Variants in GPR155 observed in about 807,000 individuals in gnomAD.
GPR155 encodes G protein-coupled receptor 155.
GPR155 carries 65 observed loss-of-function variants against 93.1 expected under a neutral mutation model. The observed-to-expected ratio is 0.70, with a 90% confidence interval of 0.57 to 0.86. The LOEUF (loss-of-function observed/expected upper bound fraction) is 0.86, where lower values mean the gene tolerates loss of function less well. Ranked by LOEUF, GPR155 falls within the 40% of genes least tolerant of loss-of-function variation. The pLI is 0.00. For missense variants in GPR155, 838 were observed against 1,034.8 expected, an observed-to-expected ratio of 0.81 and a Z score of 2.61; for synonymous variants, 319 against 360.1, an observed-to-expected ratio of 0.89 and a Z score of 1.29.
chr2:174,441,360 G>C (rs925950813), intron 14 of GPR155, among the ~76,000 whole-genome samples: 6 of 151,016 alleles, frequency 4.0e-5, no homozygotes, highest in Admixed American at 1.3e-4. Flanking sequence ...ACAAAGCCTA[G>C]GATAGGGGCA....
intron 15 of GPR155, among the ~76,000 whole-genome samples, chr2:174,439,127 AT>A (rs1232840865): frequency 6.6e-6 from 1 of 152,236 alleles, no homozygotes; most frequent in African/African-American, 2.4e-5. Flanking sequence ...CCTTCTGATT[AT>A]AATGATATAT....
Position 174,439,993 on chromosome 2 carries a change from C to T in GPR155, c.2217G>A (p.Arg739=), listed in dbSNP as rs1686907490. The change falls in exon 15 of 16, where the codon AGG becomes AGA. Residue 739 remains arginine (R), a synonymous_variant. Coordinates refer to ENST00000392552, the MANE Select transcript of GPR155 (RefSeq NM_152529.7). Reference sequence around the variant, plus strand: ...TTATTTCCTCTGAAACAGGAGAATCCCTGTTTTCTGCTGTGTCTTTATTGT... The same window carrying T: ...TTATTTCCTCTGAAACAGGAGAATCTCTGTTTTCTGCTGTGTCTTTATTGT... ...LWNNKDTAEN[R]DSPVSEEIKM... is the part of the protein sequence containing the mutation. 6.2e-7 allele frequency: 1 copy of T among 1,611,322 alleles called. No homozygotes were observed. Among genetic ancestry groups the T allele is most frequent in the Non-Finnish European group, 8.5e-7 (1 of 1,178,146 alleles).
chr2:174,473,933 G>A lies in GPR155; in HGVS notation c.461-569C>T, dbSNP rs141602023. On this transcript the variant is annotated intron_variant, in intron 2 of 15. Coordinates refer to ENST00000392552, the MANE Select transcript of GPR155 (RefSeq NM_152529.7). Reference sequence around the variant, plus strand: ...ATTAGGGACAGTTGGAAGTGCGGGAGTTCAGAGTAAAACAGCTAATGAGCT... The same window carrying A: ...ATTAGGGACAGTTGGAAGTGCGGGAATTCAGAGTAAAACAGCTAATGAGCT... 1.9e-3 allele frequency among the ~76,000 whole-genome samples: 283 copies of A among 152,302 alleles called. No individual in the cohort carries two copies. The Middle Eastern group carries it at 0.027, about 15-fold the overall frequency.
At chr2:174,450,345 A>G (rs6706402) in intron 11 of GPR155, among the ~76,000 whole-genome samples, 92,345 of 151,824 alleles carry the variant, frequency 0.61, 30,840 homozygotes, top group Middle Eastern at 0.8. Flanking sequence ...GGGAGAGGGC[A>G]AGGGCTAAAA....
chr2:174,468,223 A>G (rs1687895581), intron 5 of GPR155, among the ~76,000 whole-genome samples: 1 of 152,218 alleles, frequency 6.6e-6, no homozygotes. Context: ...TTTCTTTAAA[A>G]TTAATCACAC....
rs754162248 is a variant in GPR155 at position 174,466,636 on chromosome 2, C to T, written c.1183-9G>A. On this transcript the variant is annotated splice_polypyrimidine_tract_variant and intron_variant, in intron 5 of 15. Coordinates refer to ENST00000392552, the MANE Select transcript of GPR155 (RefSeq NM_152529.7). ...ATAGCCAGAGACCAGATCTTGAAGACAAAAGGTTCAAAAGTTATTCATGTT... is the reference window on the plus strand; with the variant it reads ...ATAGCCAGAGACCAGATCTTGAAGATAAAAGGTTCAAAAGTTATTCATGTT... The T allele has an allele frequency of 1.5e-6, 2 of 1,367,526 alleles. No individual in the cohort carries two copies. The highest frequency in any genetic ancestry group is 1.2e-5 in the South Asian group (1 of 81,674). The allele number at this position is 1,367,526 out of a possible 1,614,324, so 84.7% of individuals were successfully genotyped here.
At chr2:174,483,035 A>G (rs1441745182) in intron 1 of GPR155, 1 of 152,176 alleles carries the variant, frequency 6.6e-6, no homozygotes, top group Non-Finnish European at 1.5e-5. Context: ...CACCCGCCAC[A>G]CACACTGGCC....
In GPR155 at chr2:174,473,159, C is replaced by T; in HGVS notation, c.666G>A (p.Met222Ile). The change falls in exon 3 of 16, where the codon ATG becomes ATA. Residue 222 changes from methionine (M) to isoleucine (I), a missense_variant. Met to Ile is a conservative substitution (Grantham distance 10, BLOSUM62 1). Around this residue, in one of 3 missense-constraint regions of GPR155, gnomAD observed 663 missense variants for 790.1 expected, o/e 0.84. Coordinates refer to ENST00000392552, the MANE Select transcript of GPR155 (RefSeq NM_152529.7). ...LRVLQNPIVF[M>I]VFIGIAFNFI... ...AATTGAAGGCGATGCCAATGAAGAC[C>T]ATAAATACTATTGGGTTCTGTAATA... 1 of 1,612,832 alleles carries T rather than the reference C, an allele frequency of 6.2e-7. No homozygotes were observed. Among genetic ancestry groups the T allele is most frequent in the Non-Finnish European group, 8.5e-7 (1 of 1,179,460 alleles).
rs1332070309 is a variant in GPR155 at position 174,445,085 on chromosome 2, C to A, written c.2105G>T (p.Gly702Val). The A allele has an allele frequency of 1.3e-6, 2 of 1,561,130 alleles. No individual in the cohort carries two copies. Among genetic ancestry groups the A allele is most frequent in the Non-Finnish European group, 1.8e-6 (2 of 1,132,296 alleles). Residue 702 changes from glycine to valine, a missense_variant, in exon 13 of 16, where the codon GGT (glycine) becomes GTT (valine). Gly to Val is a moderately radical substitution (Grantham distance 109). Transcript: ENST00000392552. ...LQFFCAVFNF[G>V]QGFISFGIFG... ...AAGTTCTCCATAAATAAATACCTGA[C>A]CAAAGTTAAACACGGCACAGAAAAA...
Position 174,469,017 on chromosome 2 carries a change from G to A in GPR155, c.1077C>T (p.Tyr359=), listed in dbSNP as rs765611890. 1.3e-5 allele frequency: 21 copies of A among 1,613,850 alleles called. No individual in the cohort carries two copies. Among genetic ancestry groups the A allele is most frequent in the Admixed American group, 3.3e-5 (2 of 59,988 alleles). The change falls in exon 5 of 16, where the codon TAC becomes TAT. Residue 359 remains tyrosine, a synonymous_variant. Transcript: ENST00000392552. The stretch of plus-strand genomic sequence containing the variant: ...GAAAGGTCAGTAACCAGGCAGAAAC[G>A]TACATGATGGGAGCAGACACAAATG... The part of the protein sequence containing the change: ...ISTFVSAPIM[Y]VSAWLLTFPT...
chr2:174,467,119 T>C (rs11899998), intron 5 of GPR155, among the ~76,000 whole-genome samples: 6,455 of 151,808 alleles, frequency 0.043, 249 homozygotes, highest in African/African-American at 0.093. Flanking sequence ...ATTGCACCAC[T>C]GCACTCTAGC....
intron 11 of GPR155, among the ~76,000 whole-genome samples, chr2:174,447,055 G>T (rs1217984075): frequency 1.3e-5 from 2 of 151,808 alleles, no homozygotes; most frequent in Non-Finnish European, 2.9e-5. Context: ...TACATAATTT[G>T]CCTGGGTGCG....
chr2:174,464,473 T>C (rs1248124348), intron 7 of GPR155, among the ~76,000 whole-genome samples: 2 of 152,124 alleles, frequency 1.3e-5, no homozygotes, highest in Non-Finnish European at 2.9e-5. Context: ...TGACTTAAAA[T>C]GACATTTTCA....
Position 174,440,051 on chromosome 2 carries a change from A to G in GPR155, c.2175-16T>C. The G allele has an allele frequency of 6.2e-7, 1 of 1,602,938 alleles. No individual in the cohort carries two copies. Among genetic ancestry groups the G allele is most frequent in the Non-Finnish European group, 8.5e-7 (1 of 1,174,652 alleles). ...GAATTCAAGTCTGAAAATCAAATTT[A>G]TGGCCATTTTTAAGGACAGAAAAGC... On this transcript the variant is annotated splice_polypyrimidine_tract_variant and intron_variant, in intron 14 of 15. Transcript: ENST00000392552.
At chr2:174,438,304 C>T (rs1686852179) in intron 15 of GPR155, among the ~76,000 whole-genome samples, 2 of 152,052 alleles carry the variant, frequency 1.3e-5, no homozygotes, top group African/African-American at 4.8e-5. Flanking sequence ...ACTGTACAGG[C>T]TGTAGAGCCT....
At chr2:174,474,759 T>G (rs1056226077) in intron 2 of GPR155, among the ~76,000 whole-genome samples, 7 of 152,038 alleles carry the variant, frequency 4.6e-5, no homozygotes, top group Non-Finnish European at 8.8e-5. Context: ...GTGAGTGGGA[T>G]CAGACTTCTA....
Position 174,453,798 on chromosome 2 carries a change from T to A in GPR155, c.1815A>T (p.Pro605=). 6.2e-7 allele frequency: 1 copy of A among 1,613,924 alleles called. No homozygotes were observed. Among genetic ancestry groups the A allele is most frequent in the African/African-American group, 1.3e-5 (1 of 75,014 alleles). The change falls in exon 11 of 16, where the codon CCA becomes CCT. Residue 605 remains proline (P), a synonymous_variant. Coordinates refer to ENST00000392552, the MANE Select transcript of GPR155 (RefSeq NM_152529.7). ...TTGTGTTTGCTATTGGCTCTATTGA[T>A]GGGCAGTGTAATTCACCATTTCCCA... ...CSMGNGELHC[P]SIEPIANTST... is the part of the protein sequence containing the mutation.
At chr2:174,476,337 G>T (rs1031766255) in intron 2 of GPR155, among the ~76,000 whole-genome samples, 3 of 152,208 alleles carry the variant, frequency 2.0e-5, no homozygotes, top group African/African-American at 7.2e-5. Flanking sequence ...CGGGCATGGT[G>T]GCTCATGCCT....
intron 10 of GPR155, among the ~76,000 whole-genome samples, chr2:174,459,580 C>G (rs1277489488): frequency 6.6e-6 from 1 of 152,246 alleles, no homozygotes; most frequent in Admixed American, 6.5e-5. Flanking sequence ...CAGGCTGGCT[C>G]ATGCCTGTAA....
Sources: gnomAD v4.1 joint callset for allele counts (sites outside exome capture counted in the v4.1 genomes callset) on GRCh38, gnomAD v4.1.1 for gene constraint, gnomAD v4.1.1 regional missense constraint, MANE v1.5 for transcripts, NCBI Gene and HGNC (gene_info 2026-07-23, HGNC 2026-07-21) for gene names.